The following GRID1 variants were observed in gnomAD, a reference collection of about 807,000 sequenced individuals.
GRID1 encodes glutamate ionotropic receptor delta type subunit 1.
Under a neutral mutation model 98.0 loss-of-function variants are expected in GRID1, and 28 were observed. That is an observed-to-expected ratio of 0.29 (90% confidence interval 0.21 to 0.39). The LOEUF is 0.39. Ranked by LOEUF, GRID1 falls within the 10% of genes least tolerant of loss-of-function variation. GRID1 has a pLI of 1.00. For missense variants in GRID1, 1,111 were observed against 1,340.5 expected, an observed-to-expected ratio of 0.83 and a Z score of 2.67; for synonymous variants, 553 against 538.5, an observed-to-expected ratio of 1.03 and a Z score of -0.37.
chr10:85,938,764 G>T (rs1357771838), intron 4 of GRID1, among the ~76,000 whole-genome samples: 1 of 152,164 alleles, frequency 6.6e-6, no homozygotes, highest in Admixed American at 6.5e-5. Context: ...AAGCTAATTT[G>T]GCCAGCCTCT....
intron 8 of GRID1, among the ~76,000 whole-genome samples, chr10:85,758,755 T>C (rs1293897120): frequency 2.6e-5 from 4 of 152,158 alleles, no homozygotes; most frequent in East Asian, 1.9e-4. Context: ...ATCTTCCTCA[T>C]AGGGCTATGG....
intron 6 of GRID1, 29 bp from the exon 7 acceptor site, chr10:85,856,219 T>C (rs1228394159): frequency 1.2e-6 from 2 of 1,606,738 alleles, no homozygotes; most frequent in South Asian, 2.2e-5. Flanking sequence ...TGAAACCCTT[T>C]CCACAGGTGC....
rs768310411 is a variant in GRID1 at position 86,195,240 on chromosome 10, C to T, written c.520+11124G>A. On this transcript the variant is annotated intron_variant, in intron 3 of 15. Coordinates refer to ENST00000327946, the MANE Select transcript of GRID1 (RefSeq NM_017551.3). This position sits in a 1 kb window ranked among gnomAD's most constrained non-coding sequence, Gnocchi z 4.4. ...AGAAACAGCCAAGCAAAACCCACTT[C>T]TACATTTGCTGTAAAGGTTGAGCTG... Among the ~76,000 whole-genome samples the T allele has an allele frequency of 2.0e-5, 3 of 152,068 alleles. 1 individual carries two copies. Among genetic ancestry groups the T allele is most frequent in the Non-Finnish European group, 4.4e-5 (3 of 67,964 alleles).
chr10:85,861,862 A>G (rs1212938151), intron 6 of GRID1, among the ~76,000 whole-genome samples: 2 of 152,216 alleles, frequency 1.3e-5, no homozygotes, highest in Non-Finnish European at 2.9e-5. Context: ...TGAGGACTCA[A>G]TGGTCACCTC....
In GRID1 at chr10:86,050,289, AG is replaced by A. The variant is rs530976252; in HGVS notation, c.726+88529del. ...CTACTTGGAATTTACAATGCTCAAA[AG>A]TATTTGTAAGAAGTATGTGTGTGTA... On this transcript the variant is annotated intron_variant, in intron 4 of 15. Transcript: ENST00000327946. 1.8e-3 allele frequency among the ~76,000 whole-genome samples: 275 copies of A among 152,380 alleles called. 2 individuals carry two copies. The Middle Eastern group carries it at 0.02, about 11-fold the overall frequency.
Position 86,271,783 on chromosome 10 carries a change from T to C in GRID1, c.236-65135A>G, listed in dbSNP as rs79898663. On this transcript the variant is annotated intron_variant, in intron 2 of 15. Transcript: ENST00000327946. ...GAAAGAAAGTAATACTGGTGAGCAA[T>C]GGGACAACTTCAAGTGGTCTAACAT... Among the ~76,000 whole-genome samples the C allele has an allele frequency of 3.8e-3, 580 of 152,264 alleles. 8 individuals carry two copies. The highest frequency in any genetic ancestry group is 0.013 in the African/African-American group (543 of 41,566).
intron 13 of GRID1, among the ~76,000 whole-genome samples, chr10:85,640,479 C>T (rs1437494420): frequency 1.3e-5 from 2 of 152,214 alleles, no homozygotes; most frequent in Non-Finnish European, 1.5e-5. Context: ...AATCTAGCAT[C>T]CCAAAAGTGC....
chr10:85,823,507 G>A (rs928718576), intron 8 of GRID1, among the ~76,000 whole-genome samples: 1 of 152,074 alleles, frequency 6.6e-6, no homozygotes, highest in Non-Finnish European at 1.5e-5. Flanking sequence ...TGTGGGTCAT[G>A]CTTAAAAGCT....
At chr10:86,100,278 C>T (rs1365684904) in intron 4 of GRID1, among the ~76,000 whole-genome samples, 1 of 152,174 alleles carries the variant, frequency 6.6e-6, no homozygotes, top group Non-Finnish European at 1.5e-5. Context: ...AATTACCGAG[C>T]ACTTCTTGTG....
Position 85,867,790 on chromosome 10 carries a change from C to T in GRID1, c.951+1220G>A, listed in dbSNP as rs542636805. On this transcript the variant is annotated intron_variant, in intron 6 of 15. Coordinates refer to ENST00000327946, the MANE Select transcript of GRID1 (RefSeq NM_017551.3). ...TCTGGTGGGCTCCCTGGAGCACAGA[C>T]ACTAGTGGAATGGGGATTATTCCAG... Among the ~76,000 whole-genome samples the T allele has an allele frequency of 1.4e-4, 22 of 152,372 alleles. 1 individual carries two copies. The highest frequency in any genetic ancestry group is 5.9e-4 in the Admixed American group (9 of 15,312).
intron 3 of GRID1, among the ~76,000 whole-genome samples, chr10:86,180,013 C>A (rs1415155285): frequency 1.3e-5 from 2 of 151,966 alleles, no homozygotes; most frequent in Non-Finnish European, 2.9e-5. Context: ...TGAGGCACCA[C>A]AAAGAAACCA....
intron 2 of GRID1, among the ~76,000 whole-genome samples, chr10:86,207,015 A>T (rs565962563): frequency 6.6e-6 from 1 of 152,328 alleles, no homozygotes; most frequent in East Asian, 1.9e-4. Context: ...CCCACCTAGG[A>T]CTATAAGCCC....
At chr10:86,256,224 G>C (rs1316315295) in intron 2 of GRID1, among the ~76,000 whole-genome samples, 2 of 152,168 alleles carry the variant, frequency 1.3e-5, no homozygotes, top group African/African-American at 2.4e-5. Flanking sequence ...TCACCCTGAG[G>C]CTGCATCTCT....
intron 3 of GRID1, among the ~76,000 whole-genome samples, chr10:86,200,699 ATTAAC>A (rs1382863222): frequency 6.6e-6 from 1 of 152,248 alleles, no homozygotes; most frequent in Non-Finnish European, 1.5e-5. Context: ...AAGACAAACA[ATTAAC>A]TTAAAGAAGA....
chr10:85,922,249 A>G (rs759484958), intron 4 of GRID1, among the ~76,000 whole-genome samples: 2 of 152,218 alleles, frequency 1.3e-5, no homozygotes, highest in Non-Finnish European at 2.9e-5. Flanking sequence ...GTCCTTCTCC[A>G]GGTTAACTTG....
At chr10:86,035,377 C>T (rs1318183047) in intron 4 of GRID1, among the ~76,000 whole-genome samples, 1 of 151,994 alleles carries the variant, frequency 6.6e-6, no homozygotes, top group Non-Finnish European at 1.5e-5. Flanking sequence ...TAATATGTTG[C>T]CAAAAAAGGG....
In GRID1 at chr10:85,994,999, T is replaced by C. The variant is rs757602640; in HGVS notation, c.727-78760A>G. Among the ~76,000 whole-genome samples the C allele has an allele frequency of 9.2e-5, 14 of 152,246 alleles. 1 individual carries two copies. The highest frequency in any genetic ancestry group is 1.6e-4 in the Non-Finnish European group (11 of 68,032). On this transcript the variant is annotated intron_variant, in intron 4 of 15. Coordinates refer to ENST00000327946, the MANE Select transcript of GRID1 (RefSeq NM_017551.3). Reference sequence around the variant, plus strand: ...TAGACACTGTTTGCCTTCACATGCTTACTATAAATGTTTTTAAAGGCACAT... The same window carrying C: ...TAGACACTGTTTGCCTTCACATGCTCACTATAAATGTTTTTAAAGGCACAT...
At chr10:85,770,355 G>A (rs377322215) in intron 8 of GRID1, among the ~76,000 whole-genome samples, 1 of 152,060 alleles carries the variant, frequency 6.6e-6, no homozygotes, top group South Asian at 2.1e-4. Flanking sequence ...ACGAAAAGTA[G>A]ATAAAACCAC....
chr10:86,092,806 C>T (rs1844167907), intron 4 of GRID1, among the ~76,000 whole-genome samples: 1 of 152,220 alleles, frequency 6.6e-6, no homozygotes, highest in Non-Finnish European at 1.5e-5. Context: ...CAATACTCCA[C>T]TGACAGCACT....
Sources: gnomAD v4.1 joint callset for allele counts (sites outside exome capture counted in the v4.1 genomes callset) on GRCh38, gnomAD v4.1.1 for gene constraint, Gnocchi (gnomAD v3.1) non-coding constraint, MANE v1.5 for transcripts, NCBI Gene and HGNC (gene_info 2026-07-23, HGNC 2026-07-21) for gene names.